The following PIP5K1C variants were observed in gnomAD, a reference collection of about 807,000 sequenced individuals.
PIP5K1C encodes phosphatidylinositol-4-phosphate 5-kinase type 1 gamma, also known as phosphatidylinositol 4-phosphate 5-kinase type-1 gamma.
PIP5K1C carries 45 observed loss-of-function variants against 80.1 expected under a neutral mutation model. That is an observed-to-expected ratio of 0.56 (90% CI 0.44 to 0.72). The LOEUF is 0.72. Ranked by LOEUF, PIP5K1C falls within the 30% of genes least tolerant of loss-of-function variation. The pLI, the probability that PIP5K1C is intolerant of heterozygous loss-of-function variation, is 0.00. For synonymous variants in PIP5K1C, 498 were observed against 420.1 expected (o/e 1.19, Z -2.27); for missense variants, 753 against 954.6 (o/e 0.79, Z 2.78).
intron 4 of PIP5K1C, 97 bp downstream of exon 4, chr19:3,661,774 G>A: frequency 2.0e-6 from 3 of 1,464,512 alleles, no homozygotes; most frequent in Non-Finnish European, 2.8e-6. Flanking sequence ...GGGGCCAGGT[G>A]CTGCTTTCAG....
At chr19:3,651,570 CG>C (rs979490570) in intron 8 of PIP5K1C, among the ~76,000 whole-genome samples, 39 of 152,222 alleles carry the variant, frequency 2.6e-4, no homozygotes, top group African/African-American at 8.9e-4. Context: ...CCAGTGGCCT[CG>C]GCCCAGTCAC....
chr19:3,695,049 G>T (rs2036059751), intron 1 of PIP5K1C, among the ~76,000 whole-genome samples: 1 of 152,256 alleles, frequency 6.6e-6, no homozygotes, highest in Admixed American at 6.5e-5. Flanking sequence ...ATAAAACTTT[G>T]TTGACAAGAA....
In PIP5K1C at chr19:3,664,900, C is replaced by G. The variant is rs886309790; in HGVS notation, c.141G>C (p.Thr47=). The change falls in exon 3 of 18, where the codon ACG becomes ACC. Residue 47 remains threonine (T), a synonymous_variant. Transcript: ENST00000335312. ...KAAPTEVLSM[T]AQPGPGHGKK... ...TCCCATGGCCAGGGCCCGGCTGTGC[C>G]GTCATGGACAGAACCTGGGAAGAGG... The G allele has an allele frequency of 2.5e-6, 4 of 1,613,034 alleles. No individual in the cohort carries two copies. The highest frequency in any genetic ancestry group is 1.7e-5 in the Admixed American group (1 of 60,028).
intron 16 of PIP5K1C, chr19:3,636,943 C>T: frequency 9.9e-7 from 1 of 1,010,828 alleles, no homozygotes; most frequent in Non-Finnish European, 1.2e-6. Flanking sequence ...CCCAGGGGGA[C>T]CTCCTTGAGA....
chr19:3,631,274 G>T lies in PIP5K1C; in HGVS notation c.*1893C>A. 6.6e-6 allele frequency: 1 copy of T among 152,394 alleles called. No homozygotes were observed. The allele number at this position is 152,394 out of a possible 1,614,324, so 9.4% of individuals were successfully genotyped here. A position where few individuals can be genotyped will look rare whatever the true frequency, so the allele number is the denominator to read the frequency against. Reference sequence around the variant, plus strand: ...GCAGGGCGACTCGAGGACTCCCTGGGAGGACTGGTGTGGCCTCTGGGGGTT... The same window carrying T: ...GCAGGGCGACTCGAGGACTCCCTGGTAGGACTGGTGTGGCCTCTGGGGGTT... On this transcript the variant is annotated 3_prime_UTR_variant, in exon 18 of 18. Coordinates refer to ENST00000335312, the MANE Select transcript of PIP5K1C (RefSeq NM_012398.3).
chr19:3,674,990 G>A (rs1020292334), intron 1 of PIP5K1C, among the ~76,000 whole-genome samples: 1 of 152,178 alleles, frequency 6.6e-6, no homozygotes, highest in African/African-American at 2.4e-5. Context: ...AGAGATACCA[G>A]ACACAAGAGG....
chr19:3,678,595 G>T (rs2035484949), intron 1 of PIP5K1C, among the ~76,000 whole-genome samples: 1 of 132,676 alleles, frequency 7.5e-6, no homozygotes, highest in Non-Finnish European at 1.6e-5. Context: ...TAAAGGGATG[G>T]AGGGATGGAG....
At chr19:3,654,868 C>T (rs1380101734) in intron 6 of PIP5K1C, among the ~76,000 whole-genome samples, 1 of 150,422 alleles carries the variant, frequency 6.6e-6, no homozygotes, top group Non-Finnish European at 1.5e-5. Flanking sequence ...ATAATCCTAG[C>T]ACTTTGGGAG....
At chr19:3,642,569 A>G (rs2034008077) in intron 14 of PIP5K1C, among the ~76,000 whole-genome samples, 1 of 152,208 alleles carries the variant, frequency 6.6e-6, no homozygotes. Context: ...CAAAACCCAC[A>G]GTCCCAGTGG....
At chr19:3,695,680 G>C (rs1440765254) in intron 1 of PIP5K1C, among the ~76,000 whole-genome samples, 1 of 151,286 alleles carries the variant, frequency 6.6e-6, no homozygotes, top group African/African-American at 2.4e-5. Flanking sequence ...CTCAGCCTCC[G>C]CCTGGGCCCT....
At chr19:3,650,800 A>C (rs1380760670) in intron 8 of PIP5K1C, among the ~76,000 whole-genome samples, 1 of 152,144 alleles carries the variant, frequency 6.6e-6, no homozygotes, top group Non-Finnish European at 1.5e-5. Context: ...CTTGTTGCCC[A>C]GGCTGGAGTG....
intron 8 of PIP5K1C, among the ~76,000 whole-genome samples, chr19:3,650,327 A>G (rs936392501): frequency 3.7e-4 from 56 of 152,322 alleles, no homozygotes; most frequent in African/African-American, 1.2e-3. Flanking sequence ...TCCCTCCTCC[A>G]AGGCCGCTGT....
chr19:3,678,985 G>A (rs1037041459), intron 1 of PIP5K1C, among the ~76,000 whole-genome samples: 1 of 145,298 alleles, frequency 6.9e-6, no homozygotes, highest in Non-Finnish European at 1.5e-5. Flanking sequence ...GCAAGATGGA[G>A]GGAGGGATGG....
intron 1 of PIP5K1C, among the ~76,000 whole-genome samples, chr19:3,670,157 G>A (rs969541559): frequency 4.6e-5 from 7 of 152,074 alleles, no homozygotes; most frequent in African/African-American, 1.4e-4. Context: ...GGAGGGGGCC[G>A]CATTCGAGAC....
chr19:3,663,017 C>CA (rs2034888990), intron 3 of PIP5K1C, among the ~76,000 whole-genome samples: 1 of 152,036 alleles, frequency 6.6e-6, no homozygotes, highest in African/African-American at 2.4e-5. Flanking sequence ...CGCACCAGCA[C>CA]ACCCGGCTAA....
rs778842504 is a variant in PIP5K1C, at chr19:3,688,570, G to A, written c.94+11727C>T. On this transcript the variant is annotated intron_variant, in intron 1 of 17. Transcript: ENST00000335312. The surrounding 1 kb of genome is among the most constrained non-coding windows in gnomAD (Gnocchi z 5.3). ...GCCTTTCCCTGGTCCACTGAGAGCC[G>A]CGTGTGTTTTTTGCGGTTTTGCTGG... 6.6e-6 allele frequency among the ~76,000 whole-genome samples: 1 copy of A among 152,110 alleles called. No homozygotes were observed. The highest frequency in any genetic ancestry group is 1.5e-5 in the Non-Finnish European group (1 of 68,028).
rs2033526576 is a variant in PIP5K1C, at chr19:3,633,310, G to A, written c.2004+127C>T. 6 of 693,702 alleles carry A rather than the reference G, an allele frequency of 8.6e-6. No individual in the cohort carries two copies. The East Asian group carries it at 1.7e-4, about 20-fold the overall frequency. The allele number at this position is 693,702 out of a possible 1,614,324, so 43.0% of individuals were successfully genotyped here. A position where few individuals can be genotyped will look rare whatever the true frequency, so the allele number is the denominator to read the frequency against. ...ACCTCAGAGCCAGAGAGCCCAGGGT[G>A]GAGCTCTGGGCCACCTGTGCCCTCC... On this transcript the variant is annotated intron_variant, in intron 17 of 17. Transcript: ENST00000335312.
At chr19:3,699,286 T>C (rs1389208789) in intron 1 of PIP5K1C, among the ~76,000 whole-genome samples, 1 of 139,144 alleles carries the variant, frequency 7.2e-6, no homozygotes, top group African/African-American at 2.7e-5. Context: ...TACCAAGCGG[T>C]TCCAGATGGC....
rs1216156329 is a variant in PIP5K1C at position 3,632,096 on chromosome 19, T to G, written c.*1071A>C. ...CTGGGAGCGCTGCCCTCTTGGAGGG[T>G]GATGAGTCGGAAACAAAGTCTTCTC... On this transcript the variant is annotated 3_prime_UTR_variant, in exon 18 of 18. Coordinates refer to ENST00000335312, the MANE Select transcript of PIP5K1C (RefSeq NM_012398.3). 6.6e-6 allele frequency: 1 copy of G among 152,170 alleles called. No homozygotes were observed. The highest frequency in any genetic ancestry group is 1.5e-5 in the Non-Finnish European group (1 of 68,052). 9.4% of individuals were successfully genotyped at this position (152,170 alleles called of 1,614,324 possible).
Sources: allele counts gnomAD v4.1 joint callset (sites outside exome capture counted in the v4.1 genomes callset), GRCh38; gene constraint gnomAD v4.1.1; non-coding constraint Gnocchi (gnomAD v3.1); transcripts MANE v1.5; gene names NCBI Gene and HGNC (gene_info 2026-07-23, HGNC 2026-07-21).